CYP4X1: variants seen among roughly 807,000 people sequenced by gnomAD.
The protein encoded by CYP4X1 is cytochrome P450 family 4 subfamily X member 1.
CYP4X1 carries 44 observed loss-of-function variants against 57.9 expected under a neutral mutation model. The ratio of observed to expected loss-of-function variants is 0.76; its 90% CI spans 0.60 to 0.98. The LOEUF (loss-of-function observed/expected upper bound fraction) is 0.98. Among genes scored for constraint, CYP4X1 ranks in the 50% least tolerant of loss-of-function variants. The pLI, the probability that CYP4X1 is intolerant of heterozygous loss-of-function variation, is 0.00. For synonymous variants in CYP4X1, 227 were observed against 228.6 expected, an observed-to-expected ratio of 0.99 and a Z score of 0.06; for missense variants, 532 against 623.9, an observed-to-expected ratio of 0.85 and a Z score of 1.57.
downstream of CYP4X1, among the ~76,000 whole-genome samples, chr1:47,055,292 T>A (rs909961146): frequency 6.6e-6 from 1 of 152,254 alleles, no homozygotes; most frequent in Non-Finnish European, 1.5e-5. Context: ...GTGGATAAGC[T>A]TTTTGATATG....
the CYP4X1 span, among the ~76,000 whole-genome samples, chr1:47,012,085 C>T: frequency 5.9e-3 from 892 of 152,228 alleles, 5 homozygotes; most frequent in African/African-American, 0.02. Context: ...TTATAAATCA[C>T]GCTGCTATAA....
intron 8 of CYP4X1, among the ~76,000 whole-genome samples, chr1:47,041,484 A>G (rs1049109516): frequency 6.6e-6 from 1 of 152,142 alleles, no homozygotes; most frequent in African/African-American, 2.4e-5. Flanking sequence ...TCTAATGAGC[A>G]TGAGGTGATG....
At chr1:47,004,315 A>G in the CYP4X1 span, among the ~76,000 whole-genome samples, 2 of 152,224 alleles carry the variant, frequency 1.3e-5, no homozygotes, top group Admixed American at 1.3e-4. Flanking sequence ...TGTTCAAGAC[A>G]CCAAGAACCT....
chr1:47,036,396 T>G (rs957584356), intron 6 of CYP4X1, among the ~76,000 whole-genome samples: 2 of 81,998 alleles, frequency 2.4e-5, no homozygotes, highest in African/African-American at 8.8e-5. Context: ...ACACTATTTT[T>G]ATTATGGACA....
the CYP4X1 span, among the ~76,000 whole-genome samples, chr1:47,007,730 T>A: frequency 2.0e-5 from 3 of 152,084 alleles, no homozygotes; most frequent in Non-Finnish European, 2.9e-5. Context: ...GGGAAGTCCT[T>A]AAAGGACCTG....
chr1:46,973,522 C>A, the CYP4X1 span, among the ~76,000 whole-genome samples: 3 of 152,064 alleles, frequency 2.0e-5, no homozygotes, highest in East Asian at 1.9e-4. Context: ...CTTCTTTATA[C>A]CTCTGGTAGA....
chr1:47,022,324 C>G (rs1025297174), upstream of CYP4X1, among the ~76,000 whole-genome samples: 1 of 128,120 alleles, frequency 7.8e-6, no homozygotes, highest in African/African-American at 2.9e-5. Context: ...CGGAGTCTCA[C>G]TCTGTCACCA....
the CYP4X1 span, chr1:47,000,978 T>C: frequency 4.6e-5 from 9 of 197,096 alleles, no homozygotes; most frequent in Non-Finnish European, 1.0e-4. Context: ...CCATTTGTGG[T>C]AAGAGGATAG....
rs936537309 is a variant in CYP4X1, at chr1:47,050,446, G to A, written c.*272G>A. The A allele has an allele frequency of 2.5e-5, 6 of 240,414 alleles. No homozygotes were observed. Among genetic ancestry groups the A allele is most frequent in the Non-Finnish European group, 4.0e-5 (5 of 124,820 alleles). The allele number at this position is 240,414 out of a possible 1,614,324, so 14.9% of individuals were successfully genotyped here. ...ACCAATAGACTTTCATATATTTTCT[G>A]TTGTTTTTAAAATAGTTTTCAGAAT... On this transcript the variant is annotated 3_prime_UTR_variant, in exon 12 of 12. Coordinates refer to ENST00000371901, the MANE Select transcript of CYP4X1 (RefSeq NM_178033.2).
downstream of CYP4X1, among the ~76,000 whole-genome samples, chr1:47,054,681 A>G (rs2148519594): frequency 6.6e-6 from 1 of 152,294 alleles, no homozygotes; most frequent in South Asian, 2.1e-4. Flanking sequence ...CTTTGAAGCA[A>G]TTGTGAATGG....
chr1:46,968,371 A>G, the CYP4X1 span, among the ~76,000 whole-genome samples: 2 of 151,954 alleles, frequency 1.3e-5, no homozygotes, highest in South Asian at 2.1e-4. Flanking sequence ...AGACCCTCCC[A>G]TGCTCTTCAT....
chr1:47,023,500 T>C (rs1320255763), upstream of CYP4X1: 4 of 1,083,250 alleles, frequency 3.7e-6, no homozygotes, highest in Non-Finnish European at 4.5e-6. Context: ...TTTAGCATTA[T>C]TTTACAATAT....
At chr1:46,963,080 C>T in the CYP4X1 span, among the ~76,000 whole-genome samples, 1 of 152,118 alleles carries the variant, frequency 6.6e-6, no homozygotes, top group South Asian at 2.1e-4. Flanking sequence ...GCAACCCCTG[C>T]CTTTTTTTTG....
Position 47,033,353 on chromosome 1 carries a change from T to G in CYP4X1, c.477T>G (p.Ser159=), listed in dbSNP as rs2148508156. The change falls in exon 4 of 12, where the codon TCT becomes TCG. Residue 159 remains serine, a synonymous_variant. Coordinates refer to ENST00000371901, the MANE Select transcript of CYP4X1 (RefSeq NM_178033.2). ...CATACATTGAGGTGATGGCTCATTCTGTGAAAATGATGCTGGTAAGTAAAG... is the reference window on the plus strand; with the variant it reads ...CATACATTGAGGTGATGGCTCATTCGGTGAAAATGATGCTGGTAAGTAAAG... ...LKAYIEVMAH[S]VKMMLDKWEK... 2 of 1,613,784 alleles carry G rather than the reference T, an allele frequency of 1.2e-6. No individual in the cohort carries two copies. The highest frequency in any genetic ancestry group is 1.7e-6 in the Non-Finnish European group (2 of 1,179,788).
In CYP4X1 at chr1:47,038,675, A is replaced by C; in HGVS notation, c.791A>C (p.Glu264Ala). The part of the protein sequence containing the change: ...LNQYTDTIIQ[E>A]RKKSLQAGVK... ...TTCTACCCAGATACAATAATCCAGG[A>C]AAGAAAGAAATCCCTCCAGGCTGGG... is the stretch of plus-strand genomic sequence containing the variant. Residue 264 changes from glutamate (E) to alanine (A), a missense_variant, in exon 7 of 12, where the codon GAA (glutamate) becomes GCA (alanine). Physicochemically the swap from Glu to Ala is moderately radical, Grantham distance 107. Transcript: ENST00000371901. 6.2e-7 allele frequency: 1 copy of C among 1,608,044 alleles called. No homozygotes were observed. Among genetic ancestry groups the C allele is most frequent in the Non-Finnish European group, 8.5e-7 (1 of 1,177,424 alleles).
At chr1:46,967,646 A>T in the CYP4X1 span, 1 of 434,140 alleles carries the variant, frequency 2.3e-6, no homozygotes, top group Non-Finnish European at 4.1e-6. Flanking sequence ...AGCAGGGGTG[A>T]GGAAGACAGG....
chr1:46,973,387 T>C, the CYP4X1 span, among the ~76,000 whole-genome samples: 2 of 152,164 alleles, frequency 1.3e-5, no homozygotes, highest in South Asian at 2.1e-4. Context: ...CCTGATGTTT[T>C]CTTTTTTCAA....
chr1:47,007,022 G>C, the CYP4X1 span, among the ~76,000 whole-genome samples: 1 of 152,212 alleles, frequency 6.6e-6, no homozygotes, highest in South Asian at 2.1e-4. Context: ...CCAAACAAAA[G>C]GCAGCAGAAA....
the CYP4X1 span, among the ~76,000 whole-genome samples, chr1:46,999,126 G>A: frequency 2.0e-5 from 3 of 149,592 alleles, no homozygotes; most frequent in African/African-American, 7.5e-5. Flanking sequence ...TATGAATTTT[G>A]GAGATTGTTT....
Sources: allele counts gnomAD v4.1 joint callset (sites outside exome capture counted in the v4.1 genomes callset), GRCh38; gene constraint gnomAD v4.1.1; transcripts MANE v1.5; gene names NCBI Gene and HGNC (gene_info 2026-07-23, HGNC 2026-07-21).